PDE1C: variants seen among roughly 807,000 people sequenced by gnomAD.
PDE1C encodes phosphodiesterase 1C.
PDE1C carries 62 observed loss-of-function variants against 93.1 expected under a neutral mutation model. The observed-to-expected ratio is 0.67, with a 90% CI of 0.54 to 0.82. The LOEUF (loss-of-function observed/expected upper bound fraction) is 0.82. Among genes scored for constraint, PDE1C ranks in the 40% least tolerant of loss-of-function variants. The probability of loss-of-function intolerance (pLI) is 0.00; values close to 1 mark genes in which losing one functional copy is unlikely to be tolerated. For synonymous variants in PDE1C, 325 were observed against 310.1 expected (o/e 1.05, Z -0.50); for missense variants, 742 against 884.6 (o/e 0.84, Z 2.04).
At chr7:31,737,545 T>TA in the PDE1C span, among the ~76,000 whole-genome samples, 1 of 152,112 alleles carries the variant, frequency 6.6e-6, no homozygotes, top group Non-Finnish European at 1.5e-5. Context: ...CTCATGCCTG[T>TA]AATGCCAGCA....
intron 3 of PDE1C, among the ~76,000 whole-genome samples, chr7:32,122,100 CA>C (rs1170631587): frequency 6.6e-6 from 1 of 152,046 alleles, no homozygotes. Flanking sequence ...GACTTTAAAC[CA>C]ACAAAGATCA....
At chr7:31,990,911 A>G (rs1784072118) in intron 2 of PDE1C, among the ~76,000 whole-genome samples, 1 of 152,104 alleles carries the variant, frequency 6.6e-6, no homozygotes, top group East Asian at 1.9e-4. Context: ...AAACTACCAC[A>G]TTTTTTCCTC....
chr7:31,899,339 C>T (rs1477831750), intron 2 of PDE1C, among the ~76,000 whole-genome samples: 1 of 151,858 alleles, frequency 6.6e-6, no homozygotes, highest in Non-Finnish European at 1.5e-5. Flanking sequence ...GGGGTTTCAC[C>T]GTGTTAGCCA....
intron 1 of PDE1C, among the ~76,000 whole-genome samples, chr7:32,250,014 T>C (rs764564246): frequency 3.3e-5 from 5 of 152,200 alleles, no homozygotes; most frequent in African/African-American, 9.6e-5. Flanking sequence ...AGTTAACTTT[T>C]CCTAAGTCAA....
At chr7:31,802,956 T>A in intron 16 of PDE1C, among the ~76,000 whole-genome samples, 1 of 151,662 alleles carries the variant, frequency 6.6e-6, no homozygotes. Flanking sequence ...ATAGTTTTCA[T>A]CATCTGACAA....
At chr7:31,817,991 C>T (rs75711676) in intron 14 of PDE1C, among the ~76,000 whole-genome samples, 2,672 of 152,130 alleles carry the variant, frequency 0.018, 72 homozygotes, top group African/African-American at 0.062. Context: ...AAACCAATGC[C>T]CTAGCCTCAT....
At chr7:31,863,040 A>G (rs896266052) in intron 7 of PDE1C, among the ~76,000 whole-genome samples, 2 of 152,154 alleles carry the variant, frequency 1.3e-5, no homozygotes, top group African/African-American at 4.8e-5. Context: ...TTTGAATAGT[A>G]TTGCTTTGAA....
intron 1 of PDE1C, among the ~76,000 whole-genome samples, chr7:32,297,518 C>T (rs1812662344): frequency 6.6e-6 from 1 of 152,102 alleles, no homozygotes. Flanking sequence ...TACTCACCTC[C>T]AAGGAAGATG....
rs535160655 is a variant in PDE1C at position 31,968,872 on chromosome 7, C to A, written c.128+82682G>T. 5.7e-4 allele frequency among the ~76,000 whole-genome samples: 87 copies of A among 152,282 alleles called. 1 individual carries two copies. Among genetic ancestry groups the A allele is most frequent in the African/African-American group, 1.9e-3 (78 of 41,566 alleles). On this transcript the variant is annotated intron_variant, in intron 2 of 17. Coordinates refer to ENST00000396191, the MANE Select transcript of PDE1C (RefSeq NM_001191057.4). ...CTTTGACAAACCTGACAAAAACAAG[C>A]AATGGGGAAAGGATTCCCTATTTAA...
the PDE1C span, among the ~76,000 whole-genome samples, chr7:31,667,149 A>C: frequency 2.5e-3 from 378 of 152,280 alleles, 3 homozygotes; most frequent in African/African-American, 8.8e-3. Context: ...AAGGGTGGTC[A>C]TACTAGAAGC....
intron 2 of PDE1C, among the ~76,000 whole-genome samples, chr7:32,029,711 T>C (rs974716531): frequency 2.6e-5 from 4 of 152,082 alleles, no homozygotes; most frequent in Non-Finnish European, 1.5e-5. Flanking sequence ...AAACAGGTAA[T>C]GCAACCTAGG....
chr7:31,909,432 C>T (rs553110734), intron 2 of PDE1C, among the ~76,000 whole-genome samples: 1 of 152,200 alleles, frequency 6.6e-6, no homozygotes, highest in African/African-American at 2.4e-5. Context: ...TGGCTGGAGT[C>T]CTCTTGTGCT....
intron 6 of PDE1C, among the ~76,000 whole-genome samples, chr7:31,868,215 G>A (rs780241422): frequency 4.6e-5 from 7 of 152,102 alleles, no homozygotes; most frequent in African/African-American, 7.2e-5. Flanking sequence ...TGAAATTTAC[G>A]AAGTCTTGGA....
At chr7:32,003,309 G>T (rs1461156336) in intron 2 of PDE1C, among the ~76,000 whole-genome samples, 1 of 152,220 alleles carries the variant, frequency 6.6e-6, no homozygotes, top group Non-Finnish European at 1.5e-5. Context: ...AACTATGATA[G>T]AATTCTGTGA....
the PDE1C span, among the ~76,000 whole-genome samples, chr7:31,631,541 A>G: frequency 1.3e-5 from 2 of 152,076 alleles, no homozygotes; most frequent in Admixed American, 6.6e-5. Flanking sequence ...TATTACTTCT[A>G]TCATACTGAA....
intron 16 of PDE1C, chr7:31,786,285 T>C (rs995917236): frequency 1.3e-5 from 2 of 152,160 alleles, no homozygotes; most frequent in African/African-American, 2.4e-5. Context: ...TAGTGCTTTT[T>C]TTTTTTTGTA....
the PDE1C span, among the ~76,000 whole-genome samples, chr7:31,743,593 A>C: frequency 3.3e-5 from 5 of 150,982 alleles, no homozygotes; most frequent in Admixed American, 2.6e-4. Context: ...ACACACACAC[A>C]CCAATTCTGT....
chr7:32,355,469 G>A (rs1292233361), intron 1 of PDE1C, among the ~76,000 whole-genome samples: 2 of 152,184 alleles, frequency 1.3e-5, no homozygotes, highest in African/African-American at 2.4e-5. Context: ...TCCTTGGAGT[G>A]TTACAGTGCC....
At chr7:32,170,463 C>T (rs896619536) in intron 2 of PDE1C, among the ~76,000 whole-genome samples, 7 of 151,996 alleles carry the variant, frequency 4.6e-5, no homozygotes, top group Non-Finnish European at 8.8e-5. Flanking sequence ...ACTTCAAACA[C>T]GTGAGATAAA....
Sources: gnomAD v4.1 joint callset for allele counts (sites outside exome capture counted in the v4.1 genomes callset) on GRCh38, gnomAD v4.1.1 for gene constraint, MANE v1.5 for transcripts, NCBI Gene and HGNC (gene_info 2026-07-23, HGNC 2026-07-21) for gene names.